The following FNDC3B variants were observed in gnomAD, a reference collection of about 807,000 sequenced individuals.
The protein encoded by FNDC3B is fibronectin type III domain containing 3B.
In FNDC3B, 12 loss-of-function variants were observed where a neutral mutation model predicts 151.5. The ratio of observed to expected loss-of-function variants is 0.08; its 90% CI spans 0.05 to 0.13. FNDC3B has a LOEUF of 0.13. FNDC3B is among the 10% of genes least tolerant of loss of function. The probability of loss-of-function intolerance (pLI) is 1.00; values close to 1 mark genes in which losing one functional copy is unlikely to be tolerated. For missense variants in FNDC3B, 1,214 were observed against 1,505.3 expected (o/e 0.81, Z 3.20); for synonymous variants, 528 against 549.0 (o/e 0.96, Z 0.54).
intron 1 of FNDC3B, among the ~76,000 whole-genome samples, chr3:172,077,750 G>A (rs4894799): frequency 0.62 from 94,097 of 151,914 alleles, 29,492 homozygotes; most frequent in East Asian, 0.78. Flanking sequence ...AAACTTGAAT[G>A]CTTTTAAGTT....
At chr3:172,041,254 G>C (rs1345500671) in intron 1 of FNDC3B, among the ~76,000 whole-genome samples, 2 of 152,150 alleles carry the variant, frequency 1.3e-5, no homozygotes, top group South Asian at 4.1e-4. Context: ...CTGATTGCTT[G>C]TCTGTTTATT....
At position 172,334,762 on chromosome 3, in the gene FNDC3B, T is replaced by C. The variant is rs188463025; in HGVS notation, c.1642-182T>C. ...GGCTGGTTTTATTTTTAATTGTTAA[T>C]AACCAACTATACAGTAAATGATTTA... is the stretch of plus-strand genomic sequence containing the variant. On this transcript the variant is annotated intron_variant, in intron 14 of 25. Coordinates refer to ENST00000415807, the MANE Select transcript of FNDC3B (RefSeq NM_022763.4). Among the ~76,000 whole-genome samples the C allele has an allele frequency of 3.9e-5, 6 of 152,318 alleles. No homozygotes were observed. In the East Asian group the frequency reaches 1.2e-3, roughly 29 times the overall value.
chr3:172,348,482 A>G (rs1426478917), intron 21 of FNDC3B, among the ~76,000 whole-genome samples: 1 of 152,218 alleles, frequency 6.6e-6, no homozygotes, highest in Non-Finnish European at 1.5e-5. Context: ...TCTGATATTT[A>G]TAATAGTGAT....
chr3:172,240,985 G>A (rs953975280), intron 4 of FNDC3B, among the ~76,000 whole-genome samples: 6 of 152,102 alleles, frequency 3.9e-5, no homozygotes, highest in Non-Finnish European at 7.4e-5. Context: ...TACTAGGCAC[G>A]TAGAAGATTT....
chr3:172,266,030 T>C (rs1728907679), intron 6 of FNDC3B, among the ~76,000 whole-genome samples: 1 of 152,222 alleles, frequency 6.6e-6, no homozygotes, highest in Non-Finnish European at 1.5e-5. Flanking sequence ...ATCTTTTTTA[T>C]CCCTCTGCTC....
intron 3 of FNDC3B, among the ~76,000 whole-genome samples, chr3:172,218,134 GAAAAA>G (rs57576493): frequency 3.2e-5 from 2 of 62,718 alleles, no homozygotes; most frequent in Non-Finnish European, 6.2e-5. Flanking sequence ...CGACTTTCAG[GAAAAA>G]AAAAAAAAAA....
At chr3:172,192,087 T>C (rs1157763225) in intron 3 of FNDC3B, among the ~76,000 whole-genome samples, 1 of 151,970 alleles carries the variant, frequency 6.6e-6, no homozygotes, top group Non-Finnish European at 1.5e-5. Flanking sequence ...CCTGGGAAGG[T>C]GGAGGAAGGC....
At chr3:172,051,010 T>C (rs1321413429) in intron 1 of FNDC3B, among the ~76,000 whole-genome samples, 1 of 151,984 alleles carries the variant, frequency 6.6e-6, no homozygotes, top group African/African-American at 2.4e-5. Context: ...AAGAAAATGA[T>C]CTCCCCTTTT....
At chr3:172,321,804 G>C (rs1489747599) in intron 11 of FNDC3B, 1 of 171,772 alleles carries the variant, frequency 5.8e-6, no homozygotes, top group African/African-American at 2.4e-5. Context: ...ATATTGGCCA[G>C]GCTGGTCTCA....
intron 11 of FNDC3B, among the ~76,000 whole-genome samples, chr3:172,312,948 A>G (rs886272133): frequency 6.6e-6 from 1 of 152,188 alleles, no homozygotes; most frequent in African/African-American, 2.4e-5. Flanking sequence ...TATGTTCAGC[A>G]TGGTCCATTA....
chr3:172,252,410 C>T (rs1190717480), intron 6 of FNDC3B, among the ~76,000 whole-genome samples: 3 of 151,814 alleles, frequency 2.0e-5, no homozygotes, highest in Non-Finnish European at 2.9e-5. Flanking sequence ...TTTTCATTCA[C>T]AATCACATTC....
At chr3:172,307,920 G>T (rs9846394) in intron 10 of FNDC3B, among the ~76,000 whole-genome samples, 6 of 152,076 alleles carry the variant, frequency 3.9e-5, no homozygotes, top group African/African-American at 1.2e-4. Flanking sequence ...TAAGCAACAC[G>T]TATAAGTGAT....
intron 7 of FNDC3B, among the ~76,000 whole-genome samples, chr3:172,294,879 C>T (rs1730516029): frequency 6.6e-6 from 1 of 152,184 alleles, no homozygotes; most frequent in African/African-American, 2.4e-5. Context: ...TGATATTAAT[C>T]CCATATCAGC....
At chr3:172,172,806 G>T (rs1723350286) in intron 3 of FNDC3B, among the ~76,000 whole-genome samples, 2 of 140,332 alleles carry the variant, frequency 1.4e-5, no homozygotes, top group Admixed American at 1.4e-4. Context: ...TTTGCAAATG[G>T]TCACCATTTA....
Position 172,378,302 on chromosome 3 carries a change from C to T in FNDC3B, c.3041C>T (p.Thr1014Ile). Residue 1014 changes from threonine to isoleucine, a missense_variant, in exon 24 of 26, where the codon ACC becomes ATC. Thr to Ile is a moderately conservative substitution (Grantham distance 89, BLOSUM62 -1). This residue lies in a region of FNDC3B where 284 missense variants were observed against 392.4 expected (regional missense o/e 0.72). Transcript: ENST00000415807. ...TCAATCTACAGAGGACCCAGCCACA[C>T]CTACAAGGTCCAGAGACTGACGGAA... is the stretch of plus-strand genomic sequence containing the variant. Reference protein sequence around the residue: ...FISIYRGPSHTYKVQRLTEFT... With the variant: ...FISIYRGPSHIYKVQRLTEFT... 1 of 1,611,694 alleles carries T rather than the reference C, an allele frequency of 6.2e-7. No homozygotes were observed. Among genetic ancestry groups the T allele is most frequent in the Non-Finnish European group, 8.5e-7 (1 of 1,179,270 alleles).
At position 172,112,571 on chromosome 3, in the gene FNDC3B, A is replaced by T; in HGVS notation, c.92A>T (p.Asn31Ile). The change falls in exon 2 of 26, where the codon AAT (asparagine) becomes ATT (isoleucine). Residue 31 changes from asparagine (N) to isoleucine (I), a missense_variant. Transcript: ENST00000415807. ...GEVAMMPHLV[N>I]GDAAQQVILV... The stretch of plus-strand genomic sequence containing the variant: ...GTAGCCATGATGCCCCACTTGGTGA[A>T]TGGAGATGCAGCTCAGCAGGTTGGT... 6.2e-7 allele frequency: 1 copy of T among 1,612,980 alleles called. No homozygotes were observed. The highest frequency in any genetic ancestry group is 1.3e-5 in the African/African-American group (1 of 75,030).
At position 172,082,205 on chromosome 3, in the gene FNDC3B, A is replaced by G. The variant is rs1718312081; in HGVS notation, c.-28-30247A>G. Among the ~76,000 whole-genome samples, 3 of 152,258 alleles carry G rather than the reference A, an allele frequency of 2.0e-5. No individual in the cohort carries two copies. The South Asian group carries it at 6.2e-4, about 32-fold the overall frequency. On this transcript the variant is annotated intron_variant, in intron 1 of 25. Transcript: ENST00000415807. The stretch of plus-strand genomic sequence containing the variant: ...ATGAATTATTTTCCTCATCAGTCTC[A>G]TTCATTAATGTGGAGGTCTGACCAA...
intron 3 of FNDC3B, among the ~76,000 whole-genome samples, chr3:172,162,325 A>G (rs180841277): frequency 4.6e-4 from 70 of 152,172 alleles, no homozygotes; most frequent in South Asian, 8.3e-4. Flanking sequence ...TCAGTTCTTC[A>G]TTTTTTTATT....
chr3:172,158,795 G>A (rs1418830428), intron 3 of FNDC3B, among the ~76,000 whole-genome samples: 1 of 152,056 alleles, frequency 6.6e-6, no homozygotes, highest in Non-Finnish European at 1.5e-5. Context: ...GATTAATTGT[G>A]AGTAAATTTT....
Sources: gnomAD v4.1 joint callset for allele counts (sites outside exome capture counted in the v4.1 genomes callset) on GRCh38, gnomAD v4.1.1 for gene constraint, gnomAD v4.1.1 regional missense constraint, MANE v1.5 for transcripts, NCBI Gene and HGNC (gene_info 2026-07-23, HGNC 2026-07-21) for gene names.